The following EYA2 variants were observed in gnomAD, a reference collection of about 807,000 sequenced individuals.
EYA2 encodes the protein protein phosphatase EYA2.
Under a neutral mutation model 69.2 loss-of-function variants are expected in EYA2, and 31 were observed. The observed-to-expected ratio is 0.45, with a 90% CI of 0.34 to 0.60. The LOEUF is 0.60. Ranked by LOEUF, EYA2 falls within the 20% of genes least tolerant of loss-of-function variation. EYA2 has a pLI of 0.02. For missense variants in EYA2, 622 were observed against 701.2 expected (o/e 0.89, Z 1.28); for synonymous variants, 257 against 279.4 (o/e 0.92, Z 0.80).
chr20:47,042,645 A>G (rs1985144359), intron 5 of EYA2, among the ~76,000 whole-genome samples: 1 of 152,190 alleles, frequency 6.6e-6, no homozygotes, highest in Admixed American at 6.5e-5. Flanking sequence ...ACGCATTATC[A>G]GTTAGAGTTC....
chr20:47,120,411 A>G (rs1173213410), intron 9 of EYA2, among the ~76,000 whole-genome samples: 2 of 152,148 alleles, frequency 1.3e-5, no homozygotes, highest in Non-Finnish European at 2.9e-5. Context: ...TATGGATTTT[A>G]CCTAAATTTT....
chr20:47,026,155 G>A (rs4810587), intron 5 of EYA2, among the ~76,000 whole-genome samples: 23,978 of 152,204 alleles, frequency 0.16, 1,971 homozygotes, highest in African/African-American at 0.17. Context: ...CATTTAGTAC[G>A]TGGAGAAGGT....
chr20:47,171,031 A>G (rs1164082785), intron 11 of EYA2, among the ~76,000 whole-genome samples: 7 of 152,244 alleles, frequency 4.6e-5, no homozygotes, highest in Admixed American at 3.9e-4. Context: ...AGGACTGGCA[A>G]GGAGCAAAGC....
chr20:46,975,042 T>C (rs1370320446), intron 1 of EYA2, among the ~76,000 whole-genome samples: 3 of 152,130 alleles, frequency 2.0e-5, no homozygotes, highest in Non-Finnish European at 4.4e-5. Flanking sequence ...AAAATGACAT[T>C]TTAGAGATGG....
intron 9 of EYA2, among the ~76,000 whole-genome samples, chr20:47,133,701 A>T (rs78317918): frequency 0.022 from 3,364 of 152,228 alleles, 117 homozygotes; most frequent in East Asian, 0.09. Flanking sequence ...ACCAGGCACA[A>T]TCTTCCGGGA....
At chr20:47,125,445 A>G (rs991683812) in intron 9 of EYA2, among the ~76,000 whole-genome samples, 1 of 151,888 alleles carries the variant, frequency 6.6e-6, no homozygotes, top group Non-Finnish European at 1.5e-5. Context: ...GTTTTTTTTT[A>G]ACTTTACTGT....
In EYA2 at chr20:47,037,159, G is replaced by A. The variant is rs144881031; in HGVS notation, c.415+20862G>A. Among the ~76,000 whole-genome samples, 378 of 152,238 alleles carry A rather than the reference G, an allele frequency of 2.5e-3. 2 individuals are homozygous for A. Among genetic ancestry groups the A allele is most frequent in the African/African-American group, 8.0e-3 (332 of 41,534 alleles). On this transcript the variant is annotated intron_variant, in intron 5 of 15. Coordinates refer to ENST00000327619, the MANE Select transcript of EYA2 (RefSeq NM_005244.5). The stretch of plus-strand genomic sequence containing the variant: ...AAACCATCAGATCTCATGAGAACTC[G>A]CTCACTATCATGAGAACAGTATGGG...
chr20:47,069,806 TG>T (rs2031246283), intron 5 of EYA2, among the ~76,000 whole-genome samples: 1 of 151,948 alleles, frequency 6.6e-6, no homozygotes, highest in Non-Finnish European at 1.5e-5. Flanking sequence ...ATAGTGGTCC[TG>T]GAACAACTGT....
chr20:46,985,532 G>A (rs1325684888), intron 1 of EYA2, among the ~76,000 whole-genome samples: 1 of 152,204 alleles, frequency 6.6e-6, no homozygotes, highest in Non-Finnish European at 1.5e-5. Flanking sequence ...GGCCAGAAGT[G>A]TCACACTGCC....
chr20:47,079,487 C>T (rs2031640363), intron 7 of EYA2, among the ~76,000 whole-genome samples: 1 of 152,218 alleles, frequency 6.6e-6, no homozygotes, highest in Non-Finnish European at 1.5e-5. Flanking sequence ...TCTCTAACTC[C>T]TGCCCCCGAC....
intron 5 of EYA2, among the ~76,000 whole-genome samples, chr20:47,069,697 T>A (rs2031240180): frequency 6.6e-6 from 1 of 152,090 alleles, no homozygotes; most frequent in African/African-American, 2.4e-5. Flanking sequence ...CATACTTATA[T>A]CAAAACATCT....
Position 46,924,415 on chromosome 20 carries a change from A to G in EYA2, c.-11+29428A>G, listed in dbSNP as rs6018179. Among the ~76,000 whole-genome samples the G allele has an allele frequency of 5.8e-3, 881 of 152,264 alleles. 15 individuals are homozygous for G. Among genetic ancestry groups the G allele is most frequent in the African/African-American group, 0.02 (818 of 41,552 alleles). ...GCCGGGCACGCTGGCTCACGCCTGT[A>G]ATCCCAGCACTTTGGGAGGCCGAGG... is the stretch of plus-strand genomic sequence containing the variant. On this transcript the variant is annotated intron_variant, in intron 1 of 15. Transcript: ENST00000327619.
intron 1 of EYA2, among the ~76,000 whole-genome samples, chr20:46,942,895 T>A (rs1209329): frequency 0.57 from 87,098 of 152,106 alleles, 25,267 homozygotes; most frequent in African/African-American, 0.63. Context: ...CCTCCTGAGT[T>A]GCTAGGATTA....
rs775273072 is a variant in EYA2, at chr20:47,143,183, T to C, written c.978+35T>C. The C allele has an allele frequency of 2.5e-5, 39 of 1,552,260 alleles. 1 individual carries two copies. The highest frequency in any genetic ancestry group is 1.7e-4 in the Middle Eastern group (1 of 5,952). ...TGCTGATTTCATTTAATATTTGCCA[T>C]GTTTAATCACCTGCATCTAGTTTAT... On this transcript the variant is annotated intron_variant, in intron 10 of 15. Coordinates refer to ENST00000327619, the MANE Select transcript of EYA2 (RefSeq NM_005244.5).
intron 1 of EYA2, among the ~76,000 whole-genome samples, chr20:46,973,502 A>G (rs1980266545): frequency 6.6e-6 from 1 of 152,224 alleles, no homozygotes; most frequent in Non-Finnish European, 1.5e-5. Context: ...ACAAGGAGTG[A>G]GTGTGAATTT....
chr20:46,999,495 T>C (rs990904944), intron 2 of EYA2, among the ~76,000 whole-genome samples: 1 of 152,370 alleles, frequency 6.6e-6, no homozygotes, highest in Non-Finnish European at 1.5e-5. Context: ...TATTTCTGCA[T>C]TGTTGAATGC....
intron 1 of EYA2, among the ~76,000 whole-genome samples, chr20:46,902,505 G>C (rs187530276): frequency 4.6e-5 from 7 of 152,322 alleles, no homozygotes; most frequent in Non-Finnish European, 1.0e-4. Context: ...GCTTATGCCA[G>C]AGCCAGGATT....
intron 10 of EYA2, among the ~76,000 whole-genome samples, chr20:47,148,038 G>A (rs960662165): frequency 3.8e-5 from 4 of 104,900 alleles, no homozygotes; most frequent in Non-Finnish European, 6.0e-5. Context: ...CAGCCTGGGC[G>A]ACAGAGCAAG....
chr20:47,094,807 T>G (rs1037793418), intron 8 of EYA2, among the ~76,000 whole-genome samples: 1 of 152,124 alleles, frequency 6.6e-6, no homozygotes, highest in African/African-American at 2.4e-5. Context: ...GTGGGGAGGA[T>G]TGCTTGCATT....
Sources: allele counts gnomAD v4.1 joint callset (sites outside exome capture counted in the v4.1 genomes callset), GRCh38; gene constraint gnomAD v4.1.1; transcripts MANE v1.5; gene names NCBI Gene and HGNC (gene_info 2026-07-23, HGNC 2026-07-21).